CCDC14: variants seen among roughly 807,000 people sequenced by gnomAD.
CCDC14 encodes the protein coiled-coil domain-containing protein 14.
A neutral mutation model predicts 81.4 loss-of-function variants in CCDC14; 71 were observed. The observed-to-expected ratio is 0.87, with a 90% CI of 0.72 to 1.06. The LOEUF is 1.06. Among genes scored for constraint, CCDC14 ranks in the 50% least tolerant of loss-of-function variants. The pLI, the probability that CCDC14 is intolerant of heterozygous loss-of-function variation, is 0.00. For missense variants in CCDC14, 1,046 were observed against 1,047.3 expected (o/e 1.00, Z 0.02); for synonymous variants, 332 against 364.8 (o/e 0.91, Z 1.03).
At position 123,915,545 on chromosome 3, in the gene CCDC14, G is replaced by T; in HGVS notation, c.1952C>A (p.Thr651Lys). 1 of 1,613,960 alleles carries T rather than the reference G, an allele frequency of 6.2e-7. No individual in the cohort carries two copies. Among genetic ancestry groups the T allele is most frequent in the Non-Finnish European group, 8.5e-7 (1 of 1,179,878 alleles). The change falls in exon 13 of 13, where the codon ACA (threonine) becomes AAA (lysine). Residue 651 changes from threonine (T) to lysine (K), a missense_variant. Physicochemically the swap from Thr to Lys is moderately conservative, Grantham distance 78. Coordinates refer to ENST00000409697, the MANE Select transcript of CCDC14 (RefSeq NM_001366335.1). ...CTCTGAATGTGTAAAACTGTAATTT[G>T]TTTCTAACTTATTTAGATAGCTCAT... Reference protein sequence around the residue: ...SIMSYLNKLETNYSFTHSEPL... With the variant: ...SIMSYLNKLEKNYSFTHSEPL...
the CCDC14 span, among the ~76,000 whole-genome samples, chr3:123,891,880 T>A: frequency 6.6e-6 from 1 of 152,140 alleles, no homozygotes; most frequent in African/African-American, 2.4e-5. Context: ...AATAAAGACA[T>A]ACCCAAGACT....
intron 5 of CCDC14, among the ~76,000 whole-genome samples, chr3:123,903,859 T>C (rs907515550): frequency 3.3e-5 from 5 of 152,074 alleles, no homozygotes; most frequent in African/African-American, 1.2e-4. Context: ...GGTAGTGTGA[T>C]TCTGAAGCCA....
intron 9 of CCDC14, among the ~76,000 whole-genome samples, chr3:123,941,892 T>G (rs1380594225): frequency 3.9e-5 from 6 of 152,062 alleles, no homozygotes; most frequent in Non-Finnish European, 8.8e-5. Flanking sequence ...TAAGAACCAC[T>G]AATATTTTCC....
At chr3:123,947,411 TA>T in intron 7 of CCDC14, 92 bp from the exon 8 acceptor site, 1 of 815,464 alleles carries the variant, frequency 1.2e-6, no homozygotes, top group Non-Finnish European at 1.9e-6. Flanking sequence ...ATATATTTAT[TA>T]AAACATGTTT....
chr3:123,918,726 A>C (rs561990331), intron 12 of CCDC14, among the ~76,000 whole-genome samples: 19 of 152,132 alleles, frequency 1.2e-4, no homozygotes, highest in Non-Finnish European at 2.2e-4. Flanking sequence ...GTATTACCCC[A>C]TTTGTTCCTA....
rs775506067 is a variant in CCDC14, at chr3:123,946,838, A to T, written c.1166T>A (p.Leu389Ter). Residue 389 changes from leucine (L) to a stop codon, truncating the protein, a stop_gained, in exon 8 of 13, where the codon TTG becomes TAG. Transcript: ENST00000409697. LOFTEE classifies it high-confidence loss of function. ...TACCAGGGCCTTGAGCTCTCCCAACAAATATTTTATAATTCTAACTTTTTC... is the reference window on the plus strand; with the variant it reads ...TACCAGGGCCTTGAGCTCTCCCAACTAATATTTTATAATTCTAACTTTTTC... The part of the protein sequence containing the change: ...TAEKVRIIKY[L>*]LGELKALVAE... The T allele has an allele frequency of 6.2e-7, 1 of 1,613,874 alleles. No individual in the cohort carries two copies. The highest frequency in any genetic ancestry group is 8.5e-7 in the Non-Finnish European group (1 of 1,179,828).
chr3:123,915,823 G>T, intron 12 of CCDC14, 105 bp from the exon 13 acceptor site: 1 of 845,284 alleles, frequency 1.2e-6, no homozygotes, highest in Non-Finnish European at 1.8e-6. Context: ...GAAGTGTCTG[G>T]TTCTTAATAT....
chr3:123,920,992 C>T (rs891663425), intron 12 of CCDC14, among the ~76,000 whole-genome samples: 6 of 151,954 alleles, frequency 3.9e-5, no homozygotes, highest in Admixed American at 3.9e-4. Flanking sequence ...TTAAAATAGC[C>T]TAAGTATAAG....
the CCDC14 span, among the ~76,000 whole-genome samples, chr3:123,891,715 T>C: frequency 6.6e-6 from 1 of 152,256 alleles, no homozygotes; most frequent in Non-Finnish European, 1.5e-5. Flanking sequence ...TTCCCACATT[T>C]TCCTGTCTTC....
chr3:123,943,019 G>GT (rs1275077222), intron 9 of CCDC14, among the ~76,000 whole-genome samples: 1 of 151,716 alleles, frequency 6.6e-6, no homozygotes, highest in Non-Finnish European at 1.5e-5. Context: ...GTGTATAGAA[G>GT]TAAGTATATA....
intron 5 of CCDC14, among the ~76,000 whole-genome samples, chr3:123,905,259 T>C (rs561191908): frequency 2.0e-4 from 30 of 152,138 alleles, no homozygotes; most frequent in Non-Finnish European, 3.4e-4. Flanking sequence ...ATATAGGAAA[T>C]GTCAGCCTAA....
At chr3:123,916,190 G>A (rs1459529400) in intron 12 of CCDC14, among the ~76,000 whole-genome samples, 2 of 151,816 alleles carry the variant, frequency 1.3e-5, no homozygotes, top group Admixed American at 1.3e-4. Context: ...GTAGAGACAG[G>A]GTTTCACCAT....
At chr3:123,925,297 A>G (rs2035297841) in intron 12 of CCDC14, among the ~76,000 whole-genome samples, 1 of 152,142 alleles carries the variant, frequency 6.6e-6, no homozygotes. Context: ...AGAAGCAGAG[A>G]GTAGAATAGT....
At chr3:123,933,541 G>T in intron 10 of CCDC14, 132 bp downstream of exon 10, 1 of 636,970 alleles carries the variant, frequency 1.6e-6, no homozygotes, top group Non-Finnish European at 2.7e-6. Context: ...GGAAGTGACA[G>T]CATCTTTTAT....
intron 12 of CCDC14, among the ~76,000 whole-genome samples, chr3:123,930,594 T>C (rs893305052): frequency 1.3e-5 from 2 of 152,224 alleles, no homozygotes; most frequent in Admixed American, 1.3e-4. Flanking sequence ...GCCAACTCAC[T>C]CATTTAACTG....
chr3:123,948,277 C>A (rs1295616310), intron 7 of CCDC14, among the ~76,000 whole-genome samples: 1 of 150,550 alleles, frequency 6.6e-6, no homozygotes, highest in Non-Finnish European at 1.5e-5. Flanking sequence ...CACTCTGTAG[C>A]CCAGGCTGGA....
At chr3:123,917,494 C>A (rs1283389364) in intron 12 of CCDC14, among the ~76,000 whole-genome samples, 3 of 141,384 alleles carry the variant, frequency 2.1e-5, no homozygotes, top group African/African-American at 8.0e-5. Context: ...AACTCCATCT[C>A]AACCAAAAAA....
chr3:123,897,704 TCTA>T, intron 5 of CCDC14: 1 of 582,966 alleles, frequency 1.7e-6, no homozygotes, highest in Non-Finnish European at 2.3e-6. Flanking sequence ...TCCTTCATAT[TCTA>T]CTTTTATAAA....
intron 9 of CCDC14, among the ~76,000 whole-genome samples, chr3:123,935,939 T>C (rs999933610): frequency 6.6e-6 from 1 of 152,100 alleles, no homozygotes; most frequent in Non-Finnish European, 1.5e-5. Flanking sequence ...ATATGTGTAT[T>C]AGCCCTCATT....
Sources: gnomAD v4.1 joint callset for allele counts (sites outside exome capture counted in the v4.1 genomes callset) on GRCh38, gnomAD v4.1.1 for gene constraint, MANE v1.5 for transcripts, NCBI Gene and HGNC (gene_info 2026-07-23, HGNC 2026-07-21) for gene names.